Variants in HOXA3 observed in about 807,000 individuals in gnomAD.
HOXA3 encodes the protein homeobox protein Hox-A3.
A neutral mutation model predicts 30.3 loss-of-function variants in HOXA3; 8 were observed. The observed-to-expected ratio is 0.26, with a 90% CI of 0.15 to 0.48. HOXA3 has a LOEUF of 0.48. HOXA3 is among the 20% of genes least tolerant of loss of function. The pLI, the probability that HOXA3 is intolerant of heterozygous loss-of-function variation, is 0.99. For synonymous variants in HOXA3, 323 were observed against 273.1 expected (o/e 1.18, Z -1.80); for missense variants, 653 against 614.4 (o/e 1.06, Z -0.66).
intron 1 of HOXA3, 75 bp from the exon 2 acceptor site, chr7:27,140,261 C>T (rs1782519277): frequency 6.6e-6 from 1 of 152,058 alleles, no homozygotes; most frequent in African/African-American, 2.4e-5. Context: ...GATGTCAACT[C>T]CCCAAAACCA....
chr7:27,108,860 T>C lies in HOXA3; in HGVS notation c.527-140A>G. Reference sequence around the variant, plus strand: ...GTCCCAGAGAGAAGTAGGAACTAGGTGCTATCCTCTCTCCTGGTGGGTAAA... The same window carrying C: ...GTCCCAGAGAGAAGTAGGAACTAGGCGCTATCCTCTCTCCTGGTGGGTAAA... On this transcript the variant is annotated intron_variant, in intron 5 of 5. Transcript: ENST00000612286. This position sits in a 1 kb window ranked among gnomAD's most constrained non-coding sequence, Gnocchi z 5.0. The C allele has an allele frequency of 1.6e-6, 1 of 627,456 alleles. No homozygotes were observed. Among genetic ancestry groups the C allele is most frequent in the Admixed American group, 3.0e-5 (1 of 33,860 alleles). The allele number at this position is 627,456 out of a possible 1,614,324, so 38.9% of individuals were successfully genotyped here.
At chr7:27,133,878 G>A (rs932897888) in intron 2 of HOXA3, among the ~76,000 whole-genome samples, 2 of 152,094 alleles carry the variant, frequency 1.3e-5, no homozygotes, top group Non-Finnish European at 2.9e-5. Flanking sequence ...TTCACTAGCC[G>A]ACATTTTCAT....
rs1203782531 is a variant in HOXA3, at chr7:27,110,575, G to A, written c.66C>T (p.Asn22=). 1.9e-6 allele frequency: 3 copies of A among 1,607,080 alleles called. No individual in the cohort carries two copies. Among genetic ancestry groups the A allele is most frequent in the Admixed American group, 3.3e-5 (2 of 59,892 alleles). The change falls in exon 5 of 6, where the codon AAC becomes AAT. Residue 22 remains asparagine, a synonymous_variant. Transcript: ENST00000612286. Reference sequence around the variant, plus strand: ...GCTGATTGGCATTATAAGCGAACCCGTTGGCTGCCTGGTAGGGGTAGCCAC... The same window carrying A: ...GCTGATTGGCATTATAAGCGAACCCATTGGCTGCCTGGTAGGGGTAGCCAC... ...IYGGYPYQAA[N]GFAYNANQQP...
Position 27,110,729 on chromosome 7 carries a change from C to A in HOXA3, c.-89G>T. ...TTGGCACGCCCCCGCGGTCACGTGA[C>A]ACTCCGCCGCCAATGGCCGCCCCGC... On this transcript the variant is annotated 5_prime_UTR_variant, in exon 5 of 6. Coordinates refer to ENST00000612286, the MANE Select transcript of HOXA3 (RefSeq NM_153631.3). The A allele has an allele frequency of 6.4e-7, 1 of 1,567,478 alleles. No homozygotes were observed. Among genetic ancestry groups the A allele is most frequent in the Non-Finnish European group, 8.7e-7 (1 of 1,151,146 alleles).
chr7:27,126,234 T>G (rs1298859830), intron 3 of HOXA3, among the ~76,000 whole-genome samples: 1 of 152,182 alleles, frequency 6.6e-6, no homozygotes, highest in Non-Finnish European at 1.5e-5. Flanking sequence ...CCTATCCGAT[T>G]TAGGTCGATT....
At position 27,110,463 on chromosome 7, in the gene HOXA3, C is replaced by T. The variant is rs781519766; in HGVS notation, c.178G>A (p.Gly60Ser). 10 of 1,593,730 alleles carry T rather than the reference C, an allele frequency of 6.3e-6. No individual in the cohort carries two copies. The highest frequency in any genetic ancestry group is 1.7e-4 in the Middle Eastern group (1 of 5,796). Residue 60 changes from glycine to serine, a missense_variant, in exon 5 of 6, where the codon GGC (glycine) becomes AGC (serine). This residue lies in a region of HOXA3 where 320 missense variants were observed against 321.9 expected (regional missense o/e 0.99). Transcript: ENST00000612286. Reference sequence around the variant, plus strand: ...CTCAGTTCGTGTGCCTTGGGGTGGCCCCCGGCGCTGGAGGGAGACTGGAGG... The same window carrying T: ...CTCAGTTCGTGTGCCTTGGGGTGGCTCCCGGCGCTGGAGGGAGACTGGAGG... ...CSLQSPSSAG[G>S]HPKAHELSEA...
chr7:27,141,901 C>T (rs1210625336), intron 1 of HOXA3: 1 of 1,614,202 alleles, frequency 6.2e-7, no homozygotes, highest in Admixed American at 1.7e-5. Flanking sequence ...CTTTTTTCCA[C>T]TTCATTCTCC....
rs1782511299 is a variant in HOXA3 at position 27,140,094 on chromosome 7, G to A, written c.-401C>T. 1 of 152,028 alleles carries A rather than the reference G, an allele frequency of 6.6e-6. No individual in the cohort carries two copies. The highest frequency in any genetic ancestry group is 6.6e-5 in the Admixed American group (1 of 15,252). 9.4% of individuals were successfully genotyped at this position (152,028 alleles called of 1,614,324 possible). A position where few individuals can be genotyped will look rare whatever the true frequency, so the allele number is the denominator to read the frequency against. On this transcript the variant is annotated 5_prime_UTR_variant, in exon 2 of 6. Transcript: ENST00000612286. ...GGAGGCGAGCTTACCTTAACTCGGA[G>A]GGAGCCATTTTTCAGAGAGTTTTGA...
Position 27,130,601 on chromosome 7 carries a change from G to C in HOXA3, c.-389-3531C>G, listed in dbSNP as rs753251578. On this transcript the variant is annotated intron_variant, in intron 2 of 5. Transcript: ENST00000612286. ...AGGTGCTGGGTCGGGGGCGCTGGGG[G>C]CTGCTGGTAGCCGGGGCCCCCGCCC... 4.6e-5 allele frequency: 70 copies of C among 1,537,206 alleles called. 1 individual carries two copies. In the South Asian group the frequency reaches 7.6e-4, roughly 17 times the overall value.
At chr7:27,121,916 T>C (rs764218260) in intron 4 of HOXA3, 3 of 152,748 alleles carry the variant, frequency 2.0e-5, no homozygotes, top group Non-Finnish European at 4.4e-5. Flanking sequence ...TTGTTTCAAA[T>C]AGGAAAAGGA....
chr7:27,107,060 C>G lies in HOXA3; in HGVS notation c.*855G>C, dbSNP rs1784041743. On this transcript the variant is annotated 3_prime_UTR_variant, in exon 6 of 6. Transcript: ENST00000612286. ...TTTTTGTTTCTCAGAATGTGAGCAG[C>G]AAGGAATGAAGAACTCTCAAAACAA... 1 of 152,560 alleles carries G rather than the reference C, an allele frequency of 6.6e-6. No homozygotes were observed. The highest frequency in any genetic ancestry group is 1.5e-5 in the Non-Finnish European group (1 of 68,036). The allele number at this position is 152,560 out of a possible 1,614,324, so 9.5% of individuals were successfully genotyped here. A position where few individuals can be genotyped will look rare whatever the true frequency, so the allele number is the denominator to read the frequency against.
intron 4 of HOXA3, among the ~76,000 whole-genome samples, chr7:27,114,765 A>ACACACACACACACACACG (rs1176330716): frequency 7.6e-6 from 1 of 132,324 alleles, no homozygotes; most frequent in East Asian, 2.2e-4. Context: ...ACACACACAC[A>ACACACACACACACACACG]CACGCAGGGC....
Position 27,148,071 on chromosome 7 carries a change from G to A in HOXA3, c.-494+4217C>T, listed in dbSNP as rs559622536. Among the ~76,000 whole-genome samples the A allele has an allele frequency of 4.8e-4, 73 of 152,382 alleles. No homozygotes were observed. The South Asian group carries it at 0.015, about 31-fold the overall frequency. On this transcript the variant is annotated intron_variant, in intron 1 of 5. Transcript: ENST00000612286. ...AGCGGCGGGCACGGCCCTTTCAGTG[G>A]CGAGCAGATCAGGCCAGAGTAGGGA...
chr7:27,146,935 C>T (rs971622856), intron 1 of HOXA3, among the ~76,000 whole-genome samples: 7 of 152,180 alleles, frequency 4.6e-5, no homozygotes, highest in East Asian at 1.9e-4. Flanking sequence ...TTATCAGTGA[C>T]GCAGTGCAAA....
At chr7:27,146,251 T>TTG (rs10685970) in intron 1 of HOXA3, among the ~76,000 whole-genome samples, 82,222 of 148,942 alleles carry the variant, frequency 0.55, 22,631 homozygotes, top group East Asian at 0.63. Flanking sequence ...GTGTGTGTGT[T>TTG]TGTGTGTGTG....
At chr7:27,135,187 T>A (rs761947598) in intron 2 of HOXA3, among the ~76,000 whole-genome samples, 1 of 152,108 alleles carries the variant, frequency 6.6e-6, no homozygotes, top group Non-Finnish European at 1.5e-5. Flanking sequence ...TTGGCTTTTT[T>A]TTTTAATTCC....
chr7:27,134,949 C>T (rs1785668567), intron 2 of HOXA3, among the ~76,000 whole-genome samples: 1 of 152,152 alleles, frequency 6.6e-6, no homozygotes, highest in South Asian at 2.1e-4. Context: ...TTTTCCTATA[C>T]TGATCCCTTG....
intron 2 of HOXA3, among the ~76,000 whole-genome samples, chr7:27,135,375 T>C (rs557912301): frequency 2.0e-5 from 3 of 152,244 alleles, no homozygotes; most frequent in Admixed American, 6.5e-5. Context: ...ATAATAAACA[T>C]TAAAAAAATT....
intron 1 of HOXA3, chr7:27,142,025 A>G: frequency 6.2e-7 from 1 of 1,614,148 alleles, no homozygotes; most frequent in Non-Finnish European, 8.5e-7. Context: ...CTCCAGCTCC[A>G]GGGTCTGGTA....
Sources: gnomAD v4.1 joint callset for allele counts (sites outside exome capture counted in the v4.1 genomes callset) on GRCh38, gnomAD v4.1.1 for gene constraint, gnomAD v4.1.1 regional missense constraint, Gnocchi (gnomAD v3.1) non-coding constraint, MANE v1.5 for transcripts, NCBI Gene and HGNC (gene_info 2026-07-23, HGNC 2026-07-21) for gene names.